The following ATG16L1 variants were observed in gnomAD, a reference collection of about 807,000 sequenced individuals.
ATG16L1 encodes autophagy related 16 like 1.
Under a neutral mutation model 88.5 loss-of-function variants are expected in ATG16L1, and 37 were observed. That is an observed-to-expected ratio of 0.42 (90% CI 0.32 to 0.55). ATG16L1 has a LOEUF of 0.55. Among genes scored for constraint, ATG16L1 ranks in the 20% least tolerant of loss-of-function variants. ATG16L1 has a pLI of 0.13. For synonymous variants in ATG16L1, 301 were observed against 281.0 expected (o/e 1.07, Z -0.71); for missense variants, 554 against 752.8 (o/e 0.74, Z 3.09).
intron 16 of ATG16L1, 72 bp from the exon 17 acceptor site, chr2:233,293,184 G>A: frequency 7.4e-7 from 1 of 1,345,134 alleles, no homozygotes; most frequent in African/African-American, 1.4e-5. Flanking sequence ...TCCTTCTTGG[G>A]AAAAAGGCCA....
intron 5 of ATG16L1, among the ~76,000 whole-genome samples, chr2:233,265,747 T>C (rs755190759): frequency 6.6e-5 from 10 of 152,192 alleles, no homozygotes; most frequent in Middle Eastern, 6.8e-3. Context: ...GGATTAGAGG[T>C]GTGAGCCCCA....
At chr2:233,267,679 T>C (rs937990702) in intron 5 of ATG16L1, among the ~76,000 whole-genome samples, 1 of 152,194 alleles carries the variant, frequency 6.6e-6, no homozygotes, top group Non-Finnish European at 1.5e-5. Flanking sequence ...TTGACAGCAG[T>C]GTGAGGGTGT....
intron 6 of ATG16L1, among the ~76,000 whole-genome samples, chr2:233,270,323 A>G (rs1697910262): frequency 6.6e-6 from 1 of 152,182 alleles, no homozygotes; most frequent in Non-Finnish European, 1.5e-5. Flanking sequence ...ACTAACATCC[A>G]TATATCATTT....
chr2:233,264,575 G>A (rs138817347), intron 4 of ATG16L1, among the ~76,000 whole-genome samples: 2 of 152,162 alleles, frequency 1.3e-5, no homozygotes, highest in Non-Finnish European at 2.9e-5. Context: ...AAGGCAGGGC[G>A]CTTGCTCAGG....
chr2:233,288,494 C>T (rs1249200592), intron 12 of ATG16L1, among the ~76,000 whole-genome samples: 4 of 152,106 alleles, frequency 2.6e-5, no homozygotes, highest in African/African-American at 9.7e-5. Flanking sequence ...TTTCCCCAGG[C>T]TGGTCTCAAA....
chr2:233,281,049 T>G (rs1698687193), intron 10 of ATG16L1, 56 bp from the exon 11 acceptor site: 3 of 1,149,196 alleles, frequency 2.6e-6, no homozygotes, highest in Non-Finnish European at 3.8e-6. Context: ...CCTGTTTTAA[T>G]GTATTTATTG....
At chr2:233,264,201 C>T in intron 4 of ATG16L1, 136 bp downstream of exon 4, 2 of 744,094 alleles carry the variant, frequency 2.7e-6, no homozygotes, top group Non-Finnish European at 4.6e-6. Flanking sequence ...TCAGTGCATA[C>T]ACACTCTGGG....
chr2:233,262,568 CCTT>C (rs1163209545), intron 2 of ATG16L1, among the ~76,000 whole-genome samples: 2 of 152,234 alleles, frequency 1.3e-5, no homozygotes, highest in African/African-American at 4.8e-5. Context: ...TGCTGCTGCT[CCTT>C]CTGCCCAGAG....
At chr2:233,255,407 G>A (rs1011606892) in intron 1 of ATG16L1, among the ~76,000 whole-genome samples, 6 of 152,158 alleles carry the variant, frequency 3.9e-5, no homozygotes, top group African/African-American at 1.2e-4. Flanking sequence ...TCTCTCACAC[G>A]TTAGCATCCT....
intron 2 of ATG16L1, among the ~76,000 whole-genome samples, chr2:233,261,788 G>A (rs529968532): frequency 2.0e-5 from 3 of 152,172 alleles, no homozygotes; most frequent in South Asian, 2.1e-4. Context: ...GCTTTCTCTC[G>A]AACTATAAAT....
rs767021262 is a variant in ATG16L1 at position 233,273,071 on chromosome 2, G to A, written c.794+19G>A. 1.1e-5 allele frequency: 17 copies of A among 1,609,306 alleles called. No individual in the cohort carries two copies. In the South Asian group the frequency reaches 1.5e-4, roughly 15 times the overall value. On this transcript the variant is annotated intron_variant, in intron 7 of 17. Coordinates refer to ENST00000392017, the MANE Select transcript of ATG16L1 (RefSeq NM_030803.7). ...CAGCCACGTAAGTAGGCAGGTTTGG[G>A]CCAGGGAAAAGACAGCTTGAGGAGC...
At chr2:233,268,890 A>T (rs1181471911) in intron 5 of ATG16L1, among the ~76,000 whole-genome samples, 1 of 152,246 alleles carries the variant, frequency 6.6e-6, no homozygotes, top group African/African-American at 2.4e-5. Context: ...GTAAAAACTT[A>T]CGAGAAATTT....
In ATG16L1 at chr2:233,251,861, C is replaced by A; in HGVS notation, c.34C>A (p.Arg12Ser). The A allele has an allele frequency of 6.5e-7, 1 of 1,550,358 alleles. No homozygotes were observed. The highest frequency in any genetic ancestry group is 8.7e-7 in the Non-Finnish European group (1 of 1,147,152). The change falls in exon 1 of 18, where the codon CGC (arginine) becomes AGC (serine). Residue 12 changes from arginine to serine, a missense_variant. This residue lies in a region of ATG16L1 where 101 missense variants were observed against 107.0 expected (regional missense o/e 0.94). Coordinates refer to ENST00000392017, the MANE Select transcript of ATG16L1 (RefSeq NM_030803.7). ...GGGCCTCCGCGCCGCTGACTTCCCCCGCTGGAAGCGCCACATCTCGGAGCA... is the reference window on the plus strand; with the variant it reads ...GGGCCTCCGCGCCGCTGACTTCCCCAGCTGGAAGCGCCACATCTCGGAGCA... ...SSGLRAADFP[R>S]WKRHISEQLR...
At position 233,256,114 on chromosome 2, in the gene ATG16L1, T is replaced by A. The variant is rs1332334493; in HGVS notation, c.128T>A (p.Leu43Gln). 6.2e-7 allele frequency: 1 copy of A among 1,613,928 alleles called. No individual in the cohort carries two copies. The highest frequency in any genetic ancestry group is 1.7e-5 in the Admixed American group (1 of 60,006). Residue 43 changes from leucine (L) to glutamine (Q), a missense_variant, in exon 2 of 18, where the codon CTG (leucine) becomes CAG (glutamine). Physicochemically the swap from Leu to Gln is moderately radical, Grantham distance 113 (BLOSUM62 -2). Transcript: ENST00000392017. ...TTTATTTTAATAGATAACAAATTGC[T>A]GGAAAAGTCAGATCTTCATTCAGTG... ...EEIILQYNKLLEKSDLHSVLA... is the reference protein window; with the variant it reads ...EEIILQYNKLQEKSDLHSVLA...
Position 233,274,674 on chromosome 2 carries a change from A to C in ATG16L1, c.852-2A>C, listed in dbSNP as rs1386144318. The C allele has an allele frequency of 6.3e-7, 1 of 1,599,070 alleles. No homozygotes were observed. Among genetic ancestry groups the C allele is most frequent in the Non-Finnish European group, 8.6e-7 (1 of 1,166,688 alleles). ...AATATTTGTCTTTATGTTATTTCTT[A>C]GGAGACGCTCTGTCTCTTCCTTCCC... On this transcript the variant is annotated splice_acceptor_variant, in intron 8 of 17. Coordinates refer to ENST00000392017, the MANE Select transcript of ATG16L1 (RefSeq NM_030803.7). LOFTEE classifies it high-confidence loss of function.
intron 2 of ATG16L1, among the ~76,000 whole-genome samples, chr2:233,260,705 C>T (rs188290543): frequency 1.7e-4 from 26 of 152,262 alleles, no homozygotes; most frequent in African/African-American, 5.3e-4. Flanking sequence ...TTGCCTTAGT[C>T]TCTCCTAGCA....
intron 16 of ATG16L1, 113 bp downstream of exon 16, chr2:233,292,547 C>T (rs1188667783): frequency 3.1e-6 from 4 of 1,303,472 alleles, no homozygotes; most frequent in South Asian, 1.3e-5. Context: ...CCTATGTTTC[C>T]AGGAGTGTGC....
intron 1 of ATG16L1, among the ~76,000 whole-genome samples, chr2:233,255,770 C>G (rs77349464): frequency 0.013 from 1,933 of 152,284 alleles, 17 homozygotes; most frequent in East Asian, 0.027. Flanking sequence ...ATTTGTATTT[C>G]TAGTTCCCTG....
At chr2:233,288,479 A>C (rs1699229853) in intron 12 of ATG16L1, among the ~76,000 whole-genome samples, 1 of 152,066 alleles carries the variant, frequency 6.6e-6, no homozygotes, top group Admixed American at 6.6e-5. Flanking sequence ...TGAGGGTCTC[A>C]CTAATTTCCC....
Sources: gnomAD v4.1 joint callset for allele counts (sites outside exome capture counted in the v4.1 genomes callset) on GRCh38, gnomAD v4.1.1 for gene constraint, gnomAD v4.1.1 regional missense constraint, MANE v1.5 for transcripts, NCBI Gene and HGNC (gene_info 2026-07-23, HGNC 2026-07-21) for gene names.